ZNF804B: variants seen among roughly 807,000 people sequenced by gnomAD.
ZNF804B encodes the protein zinc finger 804B.
In ZNF804B, 80 loss-of-function variants were observed where a neutral mutation model predicts 101.4. The observed-to-expected ratio is 0.79, with a 90% CI of 0.66 to 0.95. The LOEUF (loss-of-function observed/expected upper bound fraction) is 0.95. Among genes scored for constraint, ZNF804B ranks in the 40% least tolerant of loss-of-function variants. ZNF804B has a pLI of 0.00. For missense variants in ZNF804B, 1,673 were observed against 1,561.9 expected, an observed-to-expected ratio of 1.07 and a Z score of -1.20; for synonymous variants, 622 against 558.8, an observed-to-expected ratio of 1.11 and a Z score of -1.59.
At chr7:89,263,435 C>A (rs1789739607) in intron 2 of ZNF804B, among the ~76,000 whole-genome samples, 2 of 152,028 alleles carry the variant, frequency 1.3e-5, no homozygotes, top group Admixed American at 6.6e-5. Flanking sequence ...TTTAGTGGAG[C>A]TATGACTTAT....
intron 1 of ZNF804B, among the ~76,000 whole-genome samples, chr7:88,943,459 T>C (rs1793084068): frequency 6.6e-6 from 1 of 151,920 alleles, no homozygotes; most frequent in South Asian, 2.1e-4. Flanking sequence ...TTTCCAATTA[T>C]GTAAAATCTC....
At chr7:89,171,411 TCTTCTTCTC>T (rs1454574332) in intron 1 of ZNF804B, among the ~76,000 whole-genome samples, 31 of 106,618 alleles carry the variant, frequency 2.9e-4, no homozygotes, top group African/African-American at 1.0e-3. Flanking sequence ...TTCTTCTTCT[TCTTCTTCTC>T]CTTCTCCTTC....
chr7:88,828,199 G>A (rs1363413107), intron 1 of ZNF804B, among the ~76,000 whole-genome samples: 2 of 152,036 alleles, frequency 1.3e-5, no homozygotes, highest in African/African-American at 4.8e-5. Context: ...CTTTATAGAG[G>A]TGTAATTAAT....
chr7:89,320,056 G>A (rs934860312), intron 2 of ZNF804B, among the ~76,000 whole-genome samples: 1 of 151,046 alleles, frequency 6.6e-6, no homozygotes, highest in Non-Finnish European at 1.5e-5. Context: ...AATGGGGTGG[G>A]GGGCTAGGGG....
intron 1 of ZNF804B, among the ~76,000 whole-genome samples, chr7:89,172,531 A>G (rs1791252151): frequency 6.6e-6 from 1 of 152,148 alleles, no homozygotes; most frequent in African/African-American, 2.4e-5. Context: ...CAAGTGTTTT[A>G]CTAACTGTAC....
chr7:89,003,533 T>C (rs1788320302), intron 1 of ZNF804B, among the ~76,000 whole-genome samples: 1 of 151,956 alleles, frequency 6.6e-6, no homozygotes, highest in African/African-American at 2.4e-5. Flanking sequence ...GTAACCAGAA[T>C]ATAGAATTAC....
intron 1 of ZNF804B, among the ~76,000 whole-genome samples, chr7:88,858,763 A>G (rs1791607978): frequency 1.3e-5 from 2 of 152,184 alleles, no homozygotes; most frequent in Admixed American, 6.6e-5. Flanking sequence ...GTGGATAAAC[A>G]TAGTTATTTT....
At chr7:89,247,005 G>A (rs1789459076) in intron 2 of ZNF804B, among the ~76,000 whole-genome samples, 1 of 152,110 alleles carries the variant, frequency 6.6e-6, no homozygotes, top group Non-Finnish European at 1.5e-5. Context: ...AGATCTTGGT[G>A]CAGGGGGCTC....
chr7:88,860,719 A>G (rs1038257400), intron 1 of ZNF804B, among the ~76,000 whole-genome samples: 2 of 152,188 alleles, frequency 1.3e-5, no homozygotes, highest in Non-Finnish European at 2.9e-5. Flanking sequence ...ACATACAAAT[A>G]GACACGAATA....
chr7:89,127,008 TACAAAG>T (rs10564233), intron 1 of ZNF804B, among the ~76,000 whole-genome samples: 36,128 of 151,450 alleles, frequency 0.24, 5,978 homozygotes, highest in African/African-American at 0.48. Context: ...CAAAGCAGCC[TACAAAG>T]ACAAAGAACT....
intron 1 of ZNF804B, among the ~76,000 whole-genome samples, chr7:89,123,760 CAG>C (rs1165034630): frequency 1.3e-5 from 2 of 151,766 alleles, no homozygotes; most frequent in East Asian, 3.9e-4. Flanking sequence ...GAAACTGAGA[CAG>C]AGAGGATGAG....
chr7:89,319,311 T>G (rs1790778664), intron 2 of ZNF804B, among the ~76,000 whole-genome samples: 1 of 152,198 alleles, frequency 6.6e-6, no homozygotes, highest in Non-Finnish European at 1.5e-5. Context: ...AATTTTGGCT[T>G]ACACAACTTC....
At chr7:88,905,983 A>C (rs1219973818) in intron 1 of ZNF804B, among the ~76,000 whole-genome samples, 1 of 148,694 alleles carries the variant, frequency 6.7e-6, no homozygotes, top group East Asian at 2.0e-4. Context: ...CAGGGTTTCA[A>C]TTTCTTCCTG....
In ZNF804B at chr7:89,006,844, AT is replaced by A. The variant is rs1328928776; in HGVS notation, c.109-211307del. Among the ~76,000 whole-genome samples the A allele has an allele frequency of 3.9e-5, 6 of 152,048 alleles. No individual in the cohort carries two copies. The South Asian group carries it at 1.0e-3, about 26-fold the overall frequency. ...TTTTTTCTTAACTGATCACATTATT[AT>A]TTTCTTAGGGTGCTAACAATGTCAC... On this transcript the variant is annotated intron_variant, in intron 1 of 3. Transcript: ENST00000333190.
At chr7:88,871,997 TA>T (rs1457167746) in intron 1 of ZNF804B, among the ~76,000 whole-genome samples, 1 of 151,822 alleles carries the variant, frequency 6.6e-6, no homozygotes, top group East Asian at 1.9e-4. Flanking sequence ...GAAGTGAAAG[TA>T]GTAATATGTA....
intron 1 of ZNF804B, among the ~76,000 whole-genome samples, chr7:89,198,840 G>T (rs1031830439): frequency 6.6e-6 from 1 of 151,928 alleles, no homozygotes; most frequent in Non-Finnish European, 1.5e-5. Flanking sequence ...GGTCATGTCA[G>T]GATGCTAGCT....
intron 1 of ZNF804B, among the ~76,000 whole-genome samples, chr7:89,011,536 T>C (rs1031675893): frequency 6.6e-6 from 1 of 152,048 alleles, no homozygotes; most frequent in Non-Finnish European, 1.5e-5. Context: ...CTAGATACAA[T>C]AGAGATACAG....
rs192328140 is a variant in ZNF804B, at chr7:88,986,788, C to T, written c.108+226704C>T. The stretch of plus-strand genomic sequence containing the variant: ...CTTCTTTCCTATTCCCAAACCTAGT[C>T]CTGGACCTTGGGACCTCATCCCAGG... On this transcript the variant is annotated intron_variant, in intron 1 of 3. Coordinates refer to ENST00000333190, the MANE Select transcript of ZNF804B (RefSeq NM_181646.5). Among the ~76,000 whole-genome samples, 537 of 152,214 alleles carry T rather than the reference C, an allele frequency of 3.5e-3. 5 individuals are homozygous for T. Among genetic ancestry groups the T allele is most frequent in the Middle Eastern group, 0.017 (5 of 294 alleles).
At chr7:88,813,223 C>T (rs1261734570) in intron 1 of ZNF804B, among the ~76,000 whole-genome samples, 3 of 151,962 alleles carry the variant, frequency 2.0e-5, no homozygotes, top group Non-Finnish European at 4.4e-5. Context: ...GTCATGAGAT[C>T]GAGACCATCC....
Sources: gnomAD v4.1 joint callset for allele counts (sites outside exome capture counted in the v4.1 genomes callset) on GRCh38, gnomAD v4.1.1 for gene constraint, MANE v1.5 for transcripts, NCBI Gene and HGNC (gene_info 2026-07-23, HGNC 2026-07-21) for gene names.